The following RICTOR variants were observed in gnomAD, a reference collection of about 807,000 sequenced individuals.
RICTOR encodes rapamycin-insensitive companion of mTOR.
RICTOR carries 49 observed loss-of-function variants against 214.9 expected under a neutral mutation model. That is an observed-to-expected ratio of 0.23 (90% CI 0.18 to 0.29). RICTOR has a LOEUF of 0.29. Ranked by LOEUF, RICTOR falls within the 10% of genes least tolerant of loss-of-function variation. The pLI is 1.00. For synonymous variants in RICTOR, 717 were observed against 711.3 expected, an observed-to-expected ratio of 1.01 and a Z score of -0.13; for missense variants, 1,625 against 2,047.0, an observed-to-expected ratio of 0.79 and a Z score of 3.98.
chr5:39,053,820 G>A (rs1230582898), intron 2 of RICTOR, among the ~76,000 whole-genome samples: 3 of 146,438 alleles, frequency 2.0e-5, no homozygotes, highest in Non-Finnish European at 3.0e-5. Flanking sequence ...TGAACCCCAG[G>A]GGGCGGAGCC....
intron 3 of RICTOR, among the ~76,000 whole-genome samples, chr5:39,013,913 C>A (rs1263642128): frequency 2.0e-5 from 3 of 152,052 alleles, no homozygotes; most frequent in Middle Eastern, 3.2e-3. Context: ...TACAGTCATG[C>A]ACTGCATAAC....
chr5:39,021,678 T>C (rs1348126793), intron 2 of RICTOR, among the ~76,000 whole-genome samples: 1 of 152,052 alleles, frequency 6.6e-6, no homozygotes, highest in Non-Finnish European at 1.5e-5. Context: ...TGGGATGACA[T>C]GGCAAGAAGG....
chr5:38,957,018 A>C (rs533810767), intron 25 of RICTOR, among the ~76,000 whole-genome samples: 16 of 152,308 alleles, frequency 1.1e-4, no homozygotes, highest in Non-Finnish European at 2.4e-4. Context: ...AAAATCATTT[A>C]TATCGGTAAA....
chr5:38,979,234 T>G (rs997747523), intron 8 of RICTOR, among the ~76,000 whole-genome samples: 1 of 152,218 alleles, frequency 6.6e-6, no homozygotes, highest in East Asian at 1.9e-4. Flanking sequence ...ACTGCAACCT[T>G]GAACTCCTAG....
At chr5:39,064,031 G>A (rs1347824683) in intron 2 of RICTOR, among the ~76,000 whole-genome samples, 1 of 152,076 alleles carries the variant, frequency 6.6e-6, no homozygotes. Context: ...AATCTGGCTG[G>A]AAGCCTCTAA....
chr5:39,021,941 T>C (rs1183189322), intron 2 of RICTOR, among the ~76,000 whole-genome samples: 1 of 152,148 alleles, frequency 6.6e-6, no homozygotes, highest in Non-Finnish European at 1.5e-5. Context: ...ATATAGATGG[T>C]CTGTGACTTA....
intron 3 of RICTOR, 101 bp downstream of exon 3, chr5:39,020,938 G>C: frequency 1.4e-6 from 1 of 718,878 alleles, no homozygotes; most frequent in Non-Finnish European, 2.6e-6. Flanking sequence ...AATGCTGAGT[G>C]AATACACAAG....
At position 39,074,311 on chromosome 5, in the gene RICTOR, G is replaced by C. The variant is rs768402463; in HGVS notation, c.49+18C>G. ...GCGGGCGCCGGGCGGTGGGGAGTGA[G>C]GGTTGCAGCGGGCTTACCTCGTACT... On this transcript the variant is annotated intron_variant, in intron 1 of 37. Transcript: ENST00000357387. 6.4e-7 allele frequency: 1 copy of C among 1,550,560 alleles called. No individual in the cohort carries two copies. The highest frequency in any genetic ancestry group is 8.7e-7 in the Non-Finnish European group (1 of 1,147,582).
intron 2 of RICTOR, among the ~76,000 whole-genome samples, chr5:39,064,502 T>C (rs780383706): frequency 6.6e-5 from 10 of 152,212 alleles, no homozygotes; most frequent in Non-Finnish European, 1.2e-4. Context: ...TCTTCTACCA[T>C]TATTCATCTT....
intron 2 of RICTOR, among the ~76,000 whole-genome samples, chr5:39,039,429 C>T (rs1756998929): frequency 6.6e-6 from 1 of 152,110 alleles, no homozygotes; most frequent in Admixed American, 6.5e-5. Flanking sequence ...GTCTAAAACA[C>T]CAAAAGCAAT....
chr5:39,040,778 C>G (rs1452411258), intron 2 of RICTOR, among the ~76,000 whole-genome samples: 1 of 152,086 alleles, frequency 6.6e-6, no homozygotes, highest in African/African-American at 2.4e-5. Flanking sequence ...CGCAGTATTT[C>G]AATTTCTATG....
intron 2 of RICTOR, among the ~76,000 whole-genome samples, chr5:39,073,235 G>A (rs1347527993): frequency 6.6e-6 from 1 of 152,164 alleles, no homozygotes. Flanking sequence ...ATATGACTTC[G>A]TCGGAATCAG....
intron 3 of RICTOR, among the ~76,000 whole-genome samples, chr5:39,019,459 A>AT (rs1231058048): frequency 1.3e-5 from 2 of 152,156 alleles, no homozygotes; most frequent in African/African-American, 2.4e-5. Flanking sequence ...TATTCTGAAA[A>AT]TCCTAGAGAT....
In RICTOR at chr5:38,940,373, T is replaced by G. The variant is rs1270001039; in HGVS notation, c.*1931A>C. 4.3e-6 allele frequency: 1 copy of G among 231,944 alleles called. No homozygotes were observed. The highest frequency in any genetic ancestry group is 2.2e-5 in the African/African-American group (1 of 45,266). 14.4% of individuals were successfully genotyped at this position (231,944 alleles called of 1,614,324 possible). On this transcript the variant is annotated 3_prime_UTR_variant, in exon 38 of 38. Transcript: ENST00000357387. ...TGTCTAAAATATGTTAATCCCATTA[T>G]GAATAAGATTACATTACTTCCTTTG... is the stretch of plus-strand genomic sequence containing the variant.
intron 2 of RICTOR, among the ~76,000 whole-genome samples, chr5:39,046,028 A>AAAATAAATAAATAAATAAATAAATAAAT (rs141969707): frequency 5.0e-5 from 7 of 140,268 alleles, no homozygotes; most frequent in East Asian, 2.1e-4. Flanking sequence ...TCTGTCTTTA[A>AAAATAAATAAATAAATAAATAAATAAAT]AAATAAATAA....
chr5:39,020,132 T>C (rs1311572535), intron 3 of RICTOR, among the ~76,000 whole-genome samples: 4 of 152,314 alleles, frequency 2.6e-5, no homozygotes, highest in African/African-American at 9.6e-5. Context: ...TTCCCTCTTA[T>C]GGAAGAGCAA....
intron 6 of RICTOR, among the ~76,000 whole-genome samples, chr5:38,993,157 G>T (rs1282250889): frequency 1.3e-5 from 2 of 152,152 alleles, no homozygotes; most frequent in Non-Finnish European, 2.9e-5. Context: ...CAAACTCATG[G>T]GCCAATGTAG....
intron 2 of RICTOR, among the ~76,000 whole-genome samples, chr5:39,065,720 C>T (rs562304652): frequency 1.4e-4 from 21 of 152,378 alleles, no homozygotes; most frequent in Middle Eastern, 3.4e-3. Flanking sequence ...CTACAGGCCC[C>T]ATGCAAGTTC....
At chr5:38,984,398 G>A (rs1318922432) in intron 7 of RICTOR, among the ~76,000 whole-genome samples, 1 of 151,906 alleles carries the variant, frequency 6.6e-6, no homozygotes, top group Non-Finnish European at 1.5e-5. Flanking sequence ...ACATGAAATG[G>A]ATTTTTTTTC....
Sources: gnomAD v4.1 joint callset for allele counts (sites outside exome capture counted in the v4.1 genomes callset) on GRCh38, gnomAD v4.1.1 for gene constraint, MANE v1.5 for transcripts, NCBI Gene and HGNC (gene_info 2026-07-23, HGNC 2026-07-21) for gene names.